The following VPS41 variants were observed in gnomAD, a reference collection of about 807,000 sequenced individuals.
VPS41 encodes VPS41 subunit of HOPS complex.
A neutral mutation model predicts 130.9 loss-of-function variants in VPS41; 85 were observed. The ratio of observed to expected loss-of-function variants is 0.65; its 90% CI spans 0.55 to 0.78. The LOEUF (loss-of-function observed/expected upper bound fraction) is 0.78. Among genes scored for constraint, VPS41 ranks in the 30% least tolerant of loss-of-function variants. VPS41 has a pLI of 0.00. For synonymous variants in VPS41, 335 were observed against 332.9 expected, an observed-to-expected ratio of 1.01 and a Z score of -0.07; for missense variants, 874 against 1,018.7, an observed-to-expected ratio of 0.86 and a Z score of 1.93.
In VPS41 at chr7:38,796,863, A is replaced by G. The variant is rs1333428969; in HGVS notation, c.452T>C (p.Leu151Pro). 1.2e-6 allele frequency: 2 copies of G among 1,613,904 alleles called. No individual in the cohort carries two copies. Reference sequence around the variant, plus strand: ...CATCCAAGACCGTTCAAACAGTAGCAGCTAGGGACAAAAAGCATAAACAAA... The same window carrying G: ...CATCCAAGACCGTTCAAACAGTAGCGGCTAGGGACAAAAAGCATAAACAAA... Reference protein sequence around the residue: ...CKQFVTGGKKLLLFERSWMNR... With the variant: ...CKQFVTGGKKPLLFERSWMNR... The change falls in exon 8 of 29, where the codon CTG (leucine) becomes CCG (proline). Residue 151 changes from leucine to proline, a missense_variant and splice_region_variant. Transcript: ENST00000310301.
intron 2 of VPS41, among the ~76,000 whole-genome samples, chr7:38,870,371 G>C (rs1786323372): frequency 6.6e-6 from 1 of 152,184 alleles, no homozygotes; most frequent in Non-Finnish European, 1.5e-5. Flanking sequence ...GAGTTCAAGA[G>C]GCATCGGGAA....
chr7:38,743,369 A>G, intron 24 of VPS41, 33 bp downstream of exon 24: 1 of 1,612,634 alleles, frequency 6.2e-7, no homozygotes, highest in East Asian at 2.2e-5. Flanking sequence ...GAGAGAAAAA[A>G]AAGTTATAAC....
intron 25 of VPS41, among the ~76,000 whole-genome samples, chr7:38,735,212 T>C (rs1562565173): frequency 6.6e-6 from 1 of 152,168 alleles, no homozygotes; most frequent in Non-Finnish European, 1.5e-5. Flanking sequence ...GTCTTAAAAG[T>C]TTATTTCATG....
In VPS41 at chr7:38,796,821, G is replaced by A. The variant is rs1172895457; in HGVS notation, c.494C>T (p.Ala165Val). The A allele has an allele frequency of 6.2e-7, 1 of 1,613,968 alleles. No homozygotes were observed. The highest frequency in any genetic ancestry group is 1.3e-5 in the African/African-American group (1 of 75,032). The change falls in exon 8 of 29, where the codon GCT becomes GTT. Residue 165 changes from alanine to valine, a missense_variant. Physicochemically the swap from Ala to Val is moderately conservative, Grantham distance 64. Coordinates refer to ENST00000310301, the MANE Select transcript of VPS41 (RefSeq NM_014396.4). ...ERSWMNRWKS[A>V]VLHEGEGNIR... ...GTTCCCTTCCCCTTCATGCAGAACA[G>A]CAGACTTCCATCTGTTCATCCAAGA...
intron 5 of VPS41, among the ~76,000 whole-genome samples, chr7:38,823,360 T>C (rs1452821539): frequency 6.6e-6 from 1 of 152,174 alleles, no homozygotes; most frequent in Non-Finnish European, 1.5e-5. Context: ...AGATGCCAAA[T>C]GCTGGCACCT....
At chr7:38,726,814 A>G in intron 28 of VPS41, 95 bp downstream of exon 28, 1 of 1,109,958 alleles carries the variant, frequency 9.0e-7, no homozygotes, top group Non-Finnish European at 1.2e-6. Context: ...TTTTTAACCC[A>G]TACAGCCATA....
At chr7:38,895,550 T>C (rs1476895202) in intron 2 of VPS41, among the ~76,000 whole-genome samples, 1 of 152,176 alleles carries the variant, frequency 6.6e-6, no homozygotes, top group Non-Finnish European at 1.5e-5. Flanking sequence ...TGGATAGCAG[T>C]AACAGACGTT....
intron 5 of VPS41, among the ~76,000 whole-genome samples, chr7:38,821,827 C>T (rs750722942): frequency 1.3e-5 from 2 of 152,036 alleles, no homozygotes; most frequent in African/African-American, 4.8e-5. Context: ...CCTTCAATCA[C>T]CACAAATTGT....
At chr7:38,773,307 C>T (rs901376351) in intron 12 of VPS41, among the ~76,000 whole-genome samples, 1 of 93,372 alleles carries the variant, frequency 1.1e-5, no homozygotes, top group Non-Finnish European at 1.9e-5. Context: ...AGCCAAATAC[C>T]TAGATTGGAC....
At chr7:38,850,642 C>G (rs992589108) in intron 4 of VPS41, among the ~76,000 whole-genome samples, 2 of 152,006 alleles carry the variant, frequency 1.3e-5, no homozygotes, top group African/African-American at 2.4e-5. Flanking sequence ...GACTTGGTAG[C>G]GACTTAATTC....
chr7:38,805,570 T>TGAAA, intron 7 of VPS41, among the ~76,000 whole-genome samples: 1 of 110,078 alleles, frequency 9.1e-6, no homozygotes, highest in Non-Finnish European at 1.9e-5. Flanking sequence ...GCCCAAAAGT[T>TGAAA]GAAAAAAAAA....
At chr7:38,813,697 G>A (rs1183581459) in intron 7 of VPS41, among the ~76,000 whole-genome samples, 1 of 151,754 alleles carries the variant, frequency 6.6e-6, no homozygotes, top group South Asian at 2.1e-4. Context: ...GCTCTTCAGT[G>A]TATGTTTTCT....
intron 3 of VPS41, among the ~76,000 whole-genome samples, chr7:38,867,608 G>GA (rs1786258276): frequency 6.6e-6 from 1 of 151,990 alleles, no homozygotes; most frequent in Non-Finnish European, 1.5e-5. Flanking sequence ...GAATGGGTGT[G>GA]AAAAAGAGGT....
chr7:38,747,281 T>C (rs1194601586), intron 22 of VPS41, among the ~76,000 whole-genome samples: 1 of 152,128 alleles, frequency 6.6e-6, no homozygotes, highest in Non-Finnish European at 1.5e-5. Flanking sequence ...GACACGGGAT[T>C]CAAACAAAAA....
intron 23 of VPS41, 92 bp from the exon 24 acceptor site, chr7:38,743,634 G>T: frequency 6.9e-7 from 1 of 1,447,780 alleles, no homozygotes; most frequent in East Asian, 2.4e-5. Context: ...TGTTTACATA[G>T]GTGGAAAGCT....
chr7:38,878,991 T>C (rs978486335), intron 2 of VPS41, among the ~76,000 whole-genome samples: 4 of 152,240 alleles, frequency 2.6e-5, no homozygotes, highest in Admixed American at 1.3e-4. Context: ...CTAGTTGGTA[T>C]GGTCTTATTT....
intron 23 of VPS41, among the ~76,000 whole-genome samples, chr7:38,743,962 C>A (rs888080563): frequency 6.6e-6 from 1 of 152,198 alleles, no homozygotes; most frequent in Non-Finnish European, 1.5e-5. Flanking sequence ...GAGGTCAATA[C>A]CTTCACATGC....
chr7:38,740,842 ACT>A (rs1432825413), intron 25 of VPS41, among the ~76,000 whole-genome samples: 6 of 152,050 alleles, frequency 3.9e-5, no homozygotes. Flanking sequence ...CATTAGGATG[ACT>A]CAGAAAGGCT....
intron 22 of VPS41, 33 bp downstream of exon 22, chr7:38,752,143 C>T: frequency 6.2e-7 from 1 of 1,611,840 alleles, no homozygotes; most frequent in Non-Finnish European, 8.5e-7. Flanking sequence ...CCTCTTCATC[C>T]AAAGTGTACA....
Sources: allele counts gnomAD v4.1 joint callset (sites outside exome capture counted in the v4.1 genomes callset), GRCh38; gene constraint gnomAD v4.1.1; transcripts MANE v1.5; gene names NCBI Gene and HGNC (gene_info 2026-07-23, HGNC 2026-07-21).